The following GLRA3 variants were observed in gnomAD, a reference collection of about 807,000 sequenced individuals.
GLRA3 encodes the protein glycine receptor alpha 3.
A neutral mutation model predicts 60.4 loss-of-function variants in GLRA3; 44 were observed. That is an observed-to-expected ratio of 0.73 (90% confidence interval 0.57 to 0.94). The LOEUF is 0.94. Ranked by LOEUF, GLRA3 falls within the 40% of genes least tolerant of loss-of-function variation. The pLI, the probability that GLRA3 is intolerant of heterozygous loss-of-function variation, is 0.00. For missense variants in GLRA3, 508 were observed against 564.6 expected (o/e 0.90, Z 1.02); for synonymous variants, 223 against 192.9 (o/e 1.16, Z -1.29).
chr4:174,755,803 T>C (rs988895752), intron 3 of GLRA3, among the ~76,000 whole-genome samples: 1 of 152,070 alleles, frequency 6.6e-6, no homozygotes, highest in Non-Finnish European at 1.5e-5. Flanking sequence ...AAAAACGAAC[T>C]ATTATTATTC....
chr4:174,780,611 G>T (rs1307106595), intron 2 of GLRA3, among the ~76,000 whole-genome samples: 3 of 150,458 alleles, frequency 2.0e-5, no homozygotes, highest in Non-Finnish European at 4.4e-5. Context: ...ATAAAAGGAT[G>T]GAGGAAGATC....
At chr4:174,798,395 A>AAGATACAG (rs2111332858) in intron 1 of GLRA3, among the ~76,000 whole-genome samples, 1 of 152,364 alleles carries the variant, frequency 6.6e-6, no homozygotes, top group Non-Finnish European at 1.5e-5. Flanking sequence ...TTTGAAAAAT[A>AAGATACAG]AGATACAGAA....
intron 2 of GLRA3, among the ~76,000 whole-genome samples, chr4:174,772,640 T>G (rs769252919): frequency 6.6e-6 from 1 of 152,168 alleles, no homozygotes; most frequent in African/African-American, 2.4e-5. Flanking sequence ...AAAAACAGTT[T>G]GGAAATAAAA....
chr4:174,786,066 T>C (rs1739119689), intron 2 of GLRA3, among the ~76,000 whole-genome samples: 1 of 151,718 alleles, frequency 6.6e-6, no homozygotes, highest in South Asian at 2.1e-4. Context: ...CCATTCTTCT[T>C]TTAAAATTAT....
At chr4:174,651,271 T>A (rs76690766) in intron 9 of GLRA3, among the ~76,000 whole-genome samples, 1,951 of 152,244 alleles carry the variant, frequency 0.013, 41 homozygotes, top group African/African-American at 0.043. Context: ...GAATGGCCAA[T>A]TAAAACATTT....
intron 2 of GLRA3, among the ~76,000 whole-genome samples, chr4:174,773,428 G>C (rs1157602347): frequency 6.6e-6 from 1 of 151,416 alleles, no homozygotes; most frequent in Non-Finnish European, 1.5e-5. Flanking sequence ...ATTCATATTG[G>C]GGAAAAATTG....
chr4:174,664,789 C>G (rs1241265230), intron 7 of GLRA3, among the ~76,000 whole-genome samples: 1 of 152,114 alleles, frequency 6.6e-6, no homozygotes, highest in Non-Finnish European at 1.5e-5. Context: ...TCAAAATTAG[C>G]CCTTCATAAT....
At chr4:174,826,593 T>A (rs546379840) in intron 1 of GLRA3, among the ~76,000 whole-genome samples, 2,319 of 152,200 alleles carry the variant, frequency 0.015, 23 homozygotes, top group Non-Finnish European at 0.025. Context: ...ATAAAAATTT[T>A]AAAAAAATCT....
intron 2 of GLRA3, 74 bp downstream of exon 2, chr4:174,788,742 G>A: frequency 2.1e-6 from 2 of 944,546 alleles, no homozygotes; most frequent in South Asian, 5.3e-5. Flanking sequence ...AATTTCTGGT[G>A]GAATTAATTT....
At chr4:174,667,967 G>A (rs996734102) in intron 7 of GLRA3, among the ~76,000 whole-genome samples, 1 of 152,220 alleles carries the variant, frequency 6.6e-6, no homozygotes, top group African/African-American at 2.4e-5. Flanking sequence ...GTGGGAGGTA[G>A]TTCCATCGTG....
Position 174,829,096 on chromosome 4 carries a change from T to C in GLRA3, c.-285A>G. ...AAGTGCCTAGGTGCTGGGCAACAGT[T>C]CTCTAAAGCTCCAGCAGCAAAGGAA... On this transcript the variant is annotated 5_prime_UTR_variant, in exon 1 of 10. Coordinates refer to ENST00000274093, the MANE Select transcript of GLRA3 (RefSeq NM_006529.4). The C allele has an allele frequency of 1.4e-5, 4 of 293,354 alleles. No homozygotes were observed. In the South Asian group the frequency reaches 2.2e-4, roughly 16 times the overall value. The allele number at this position is 293,354 out of a possible 1,614,324, so 18.2% of individuals were successfully genotyped here.
intron 5 of GLRA3, among the ~76,000 whole-genome samples, chr4:174,688,002 A>G (rs1174711277): frequency 6.6e-6 from 1 of 152,042 alleles, no homozygotes; most frequent in Non-Finnish European, 1.5e-5. Flanking sequence ...GCAAAACAAA[A>G]CAAAACAAAA....
chr4:174,730,441 TAAAG>T lies in GLRA3; in HGVS notation c.268-1747_268-1744del, dbSNP rs199732788. Reference sequence around the variant, plus strand: ...CCTGCCAGGAAAGATAACTGACTAGTAAAGAATGTACATTTGTACTGATTTATAA... The same window carrying T: ...CCTGCCAGGAAAGATAACTGACTAGTAATGTACATTTGTACTGATTTATAA... On this transcript the variant is annotated intron_variant, in intron 3 of 9. Transcript: ENST00000274093. Among the ~76,000 whole-genome samples the T allele has an allele frequency of 8.4e-3, 1,281 of 152,336 alleles. 20 individuals are homozygous for T. Among genetic ancestry groups the T allele is most frequent in the African/African-American group, 0.029 (1,214 of 41,566 alleles).
At chr4:174,675,574 C>A (rs992909500) in intron 7 of GLRA3, among the ~76,000 whole-genome samples, 24 of 152,106 alleles carry the variant, frequency 1.6e-4, no homozygotes, top group African/African-American at 5.8e-4. Context: ...ATTTCCTTTA[C>A]AAATTAACTA....
At chr4:174,738,746 G>T (rs1736895066) in intron 3 of GLRA3, among the ~76,000 whole-genome samples, 2 of 152,142 alleles carry the variant, frequency 1.3e-5, no homozygotes, top group African/African-American at 4.8e-5. Context: ...TATTTGAAGT[G>T]ATGAGAACAC....
At chr4:174,667,357 C>T (rs1733719181) in intron 7 of GLRA3, among the ~76,000 whole-genome samples, 1 of 152,050 alleles carries the variant, frequency 6.6e-6, no homozygotes, top group Non-Finnish European at 1.5e-5. Context: ...CTCATAAGCA[C>T]AGAATTGAGG....
At chr4:174,782,686 A>G (rs1738933914) in intron 2 of GLRA3, among the ~76,000 whole-genome samples, 1 of 152,250 alleles carries the variant, frequency 6.6e-6, no homozygotes, top group South Asian at 2.1e-4. Flanking sequence ...AGACAAAAAG[A>G]GAGCCAAATC....
chr4:174,708,705 T>C (rs549276868), intron 5 of GLRA3, among the ~76,000 whole-genome samples: 102 of 151,450 alleles, frequency 6.7e-4, no homozygotes, highest in African/African-American at 2.4e-3. Flanking sequence ...TTTATGGAAG[T>C]AGTAATAGTT....
rs72708267 is a variant in GLRA3, at chr4:174,800,156, T to G, written c.72-11213A>C. ...GGAAAGCAAACCAGAAGAAAATGTATAGAAGGCAGTATGGAAAGTTGATAA... is the reference window on the plus strand; with the variant it reads ...GGAAAGCAAACCAGAAGAAAATGTAGAGAAGGCAGTATGGAAAGTTGATAA... On this transcript the variant is annotated intron_variant, in intron 1 of 9. Transcript: ENST00000274093. Among the ~76,000 whole-genome samples the G allele has an allele frequency of 1.3e-3, 201 of 152,082 alleles. 1 individual carries two copies. The highest frequency in any genetic ancestry group is 4.7e-3 in the African/African-American group (196 of 41,494).
Sources: gnomAD v4.1 joint callset for allele counts (sites outside exome capture counted in the v4.1 genomes callset) on GRCh38, gnomAD v4.1.1 for gene constraint, MANE v1.5 for transcripts, NCBI Gene and HGNC (gene_info 2026-07-23, HGNC 2026-07-21) for gene names.